The following IZUMO2 variants were observed in gnomAD, a reference collection of about 807,000 sequenced individuals.
IZUMO2 encodes izumo sperm-egg fusion protein 2.
Under a neutral mutation model 31.2 loss-of-function variants are expected in IZUMO2, and 24 were observed. The observed-to-expected ratio is 0.77, with a 90% CI of 0.56 to 1.08. The LOEUF (loss-of-function observed/expected upper bound fraction) is 1.08, where lower values mean the gene tolerates loss of function less well. IZUMO2 is among the 50% of genes least tolerant of loss of function. The probability of loss-of-function intolerance (pLI) is 0.00; values close to 1 mark genes in which losing one functional copy is unlikely to be tolerated. For missense variants in IZUMO2, 278 were observed against 274.0 expected (o/e 1.01, Z -0.10); for synonymous variants, 144 against 117.3 (o/e 1.23, Z -1.47).
chr19:50,159,386 C>G, intron 3 of IZUMO2, 108 bp downstream of exon 3: 1 of 1,246,670 alleles, frequency 8.0e-7, no homozygotes, highest in Admixed American at 2.0e-5. Flanking sequence ...ATGAAGAAGG[C>G]TGAGCTATAG....
In IZUMO2 at chr19:50,154,698, C is replaced by G; in HGVS notation, c.525G>C (p.Gln175His). ...FVDRQPRVAL[Q>H]YQMDSKYPRN... ...TCGGGTATTTGCTGTCCATCTGGTA[C>G]TGCAGGGCCACGCGGGGTTGCCGGT... Residue 175 changes from glutamine to histidine, a missense_variant, in exon 6 of 7, where the codon CAG becomes CAC. Coordinates refer to ENST00000293405, the MANE Select transcript of IZUMO2 (RefSeq NM_152358.3). The G allele has an allele frequency of 6.2e-7, 1 of 1,614,034 alleles. No individual in the cohort carries two copies. The highest frequency in any genetic ancestry group is 1.7e-5 in the Admixed American group (1 of 60,012).
chr19:50,162,598 G>A (rs2123067431), intron 2 of IZUMO2, 141 bp downstream of exon 2: 4 of 685,538 alleles, frequency 5.8e-6, no homozygotes, highest in Middle Eastern at 3.0e-4. Flanking sequence ...CGGAGCGACA[G>A]TGAGGCTCTG....
Position 50,154,264 on chromosome 19 carries a change from G to GTTTTTTTGTTTT in IZUMO2, c.623+335_623+336insAAAACAAAAAAA, listed in dbSNP as rs2030129784. Among the ~76,000 whole-genome samples the GTTTTTTTGTTTT allele has an allele frequency of 2.9e-4, 23 of 79,280 alleles. 11 individuals carry two copies. Among genetic ancestry groups the GTTTTTTTGTTTT allele is most frequent in the Non-Finnish European group, 3.0e-4 (12 of 40,134 alleles). The allele number at this position is 79,280 out of a possible 152,430, so 52.0% of individuals were successfully genotyped here. A position where few individuals can be genotyped will look rare whatever the true frequency, so the allele number is the denominator to read the frequency against. On this transcript the variant is annotated intron_variant, in intron 6 of 6. Transcript: ENST00000293405. ...GCATCCACCAAATATAACTTTTAGC[G>GTTTTTTTGTTTT]TTTTTTTTTTTTTTTTTTTTTTTTT...
At chr19:50,154,528 CA>C in intron 6 of IZUMO2, 71 bp downstream of exon 6, 2 of 1,378,880 alleles carry the variant, frequency 1.5e-6, no homozygotes, top group Admixed American at 4.6e-5. Flanking sequence ...GTGACCCATC[CA>C]GGGGAGTCGC....
chr19:50,163,261 A>C lies in IZUMO2; in HGVS notation c.-67T>G, dbSNP rs982981594. On this transcript the variant is annotated 5_prime_UTR_variant, in exon 1 of 7. Transcript: ENST00000293405. ...CCGCCTCCCAGGCGAGGGCGCGGTC[A>C]GGAGGCCCAGGGAGCATCACGGTGT... is the stretch of plus-strand genomic sequence containing the variant. 1.7e-6 allele frequency: 2 copies of C among 1,188,634 alleles called. No individual in the cohort carries two copies. The highest frequency in any genetic ancestry group is 3.1e-5 in the African/African-American group (2 of 64,828). 73.6% of individuals were successfully genotyped at this position (1,188,634 alleles called of 1,614,324 possible). A position where few individuals can be genotyped will look rare whatever the true frequency, so the allele number is the denominator to read the frequency against.
intron 6 of IZUMO2, among the ~76,000 whole-genome samples, chr19:50,153,319 C>T (rs1396063137): frequency 6.6e-6 from 1 of 152,166 alleles, no homozygotes; most frequent in Non-Finnish European, 1.5e-5. Context: ...CAGACTTCTG[C>T]TTTCAGAACC....
intron 4 of IZUMO2, among the ~76,000 whole-genome samples, chr19:50,158,871 C>T (rs1328125900): frequency 6.6e-6 from 1 of 152,160 alleles, no homozygotes; most frequent in Admixed American, 6.6e-5. Flanking sequence ...TGCTTAGAAG[C>T]TGCCATGTGT....
Position 50,162,776 on chromosome 19 carries a change from C to G in IZUMO2, c.270G>C (p.Lys90Asn), listed in dbSNP as rs759336278. Reference sequence around the variant, plus strand: ...TACCCATTAAGTGCTGCGTTTGGTTCTTGACAAAGGACGCCACAAGGTCCA... The same window carrying G: ...TACCCATTAAGTGCTGCGTTTGGTTGTTGACAAAGGACGCCACAAGGTCCA... ...NQLDLVASFVKNQTQHLMGNS... is the reference protein window; with the variant it reads ...NQLDLVASFVNNQTQHLMGNS... The change falls in exon 2 of 7, where the codon AAG becomes AAC. Residue 90 changes from lysine (K) to asparagine (N), a missense_variant. Lys to Asn is a moderately conservative substitution (Grantham distance 94, BLOSUM62 0). Transcript: ENST00000293405. The G allele has an allele frequency of 3.7e-6, 6 of 1,613,900 alleles. No homozygotes were observed. The Admixed American group carries it at 1.0e-4, about 27-fold the overall frequency.
chr19:50,162,031 C>T (rs1308263125), intron 2 of IZUMO2, among the ~76,000 whole-genome samples: 1 of 152,200 alleles, frequency 6.6e-6, no homozygotes, highest in Non-Finnish European at 1.5e-5. Context: ...GCCTATAATC[C>T]CAGCACTTTG....
Position 50,163,085 on chromosome 19 carries a change from G to A in IZUMO2, c.110C>T (p.Ser37Phe). The change falls in exon 1 of 7, where the codon TCC becomes TTC. Residue 37 changes from serine to phenylalanine, a missense_variant. Transcript: ENST00000293405. ...LVLEALGHLR[S>F]ALIPSRFQLE... ...CTGGAAGCGACTGGGGATGAGGGCG[G>A]AGCGCAGGTGACCCAGGGCCTCCAG... 1 of 1,612,884 alleles carries A rather than the reference G, an allele frequency of 6.2e-7. No individual in the cohort carries two copies. Among genetic ancestry groups the A allele is most frequent in the East Asian group, 2.2e-5 (1 of 44,832 alleles).
Position 50,159,523 on chromosome 19 carries a change from T to C in IZUMO2, c.365A>G (p.Lys122Arg). The change falls in exon 3 of 7, where the codon AAG becomes AGG. Residue 122 changes from lysine to arginine, a missense_variant. Coordinates refer to ENST00000293405, the MANE Select transcript of IZUMO2 (RefSeq NM_152358.3). Reference sequence around the variant, plus strand: ...TAATTCATATGAAATTAAAACTTTCTTGAATTCCTTGATCACATTCGCCCT... The same window carrying C: ...TAATTCATATGAAATTAAAACTTTCCTGAATTCCTTGATCACATTCGCCCT... ...TLRANVIKEF[K>R]KVLISYELKA... The C allele has an allele frequency of 6.2e-7, 1 of 1,613,046 alleles. No individual in the cohort carries two copies. The highest frequency in any genetic ancestry group is 8.5e-7 in the Non-Finnish European group (1 of 1,179,048).
intron 5 of IZUMO2, 23 bp from the exon 6 acceptor site, chr19:50,154,749 C>T: frequency 1.9e-6 from 3 of 1,611,866 alleles, no homozygotes; most frequent in Admixed American, 1.7e-5. Flanking sequence ...GGGAAACAGC[C>T]CCGACCTCCA....
At chr19:50,161,685 C>T (rs527242938) in intron 2 of IZUMO2, among the ~76,000 whole-genome samples, 180 of 152,224 alleles carry the variant, frequency 1.2e-3, no homozygotes, top group African/African-American at 4.0e-3. Context: ...GGCTGCTTCC[C>T]TCTCCCCTTC....
At position 50,163,257 on chromosome 19, in the gene IZUMO2, G is replaced by T. The variant is rs537395795; in HGVS notation, c.-63C>A. On this transcript the variant is annotated 5_prime_UTR_variant, in exon 1 of 7. Coordinates refer to ENST00000293405, the MANE Select transcript of IZUMO2 (RefSeq NM_152358.3). Reference sequence around the variant, plus strand: ...CGCCCCGCCTCCCAGGCGAGGGCGCGGTCAGGAGGCCCAGGGAGCATCACG... The same window carrying T: ...CGCCCCGCCTCCCAGGCGAGGGCGCTGTCAGGAGGCCCAGGGAGCATCACG... 3.2e-6 allele frequency: 4 copies of T among 1,264,752 alleles called. No homozygotes were observed. The South Asian group carries it at 3.9e-5, about 12-fold the overall frequency. 78.3% of individuals were successfully genotyped at this position (1,264,752 alleles called of 1,614,324 possible).
rs1271548322 is a variant in IZUMO2 at position 50,163,229 on chromosome 19, G to A, written c.-35C>T. Reference sequence around the variant, plus strand: ...TTTGTGACGTCACAGAGAGAACCCGGCCCGCCCCGCCTCCCAGGCGAGGGC... The same window carrying A: ...TTTGTGACGTCACAGAGAGAACCCGACCCGCCCCGCCTCCCAGGCGAGGGC... On this transcript the variant is annotated 5_prime_UTR_variant, in exon 1 of 7. Transcript: ENST00000293405. 1 of 1,495,794 alleles carries A rather than the reference G, an allele frequency of 6.7e-7. No individual in the cohort carries two copies. 92.7% of individuals were successfully genotyped at this position (1,495,794 alleles called of 1,614,324 possible).
rs1170932688 is a variant in IZUMO2, at chr19:50,154,703, G to T, written c.520C>A (p.Leu174Met). 4 of 1,613,868 alleles carry T rather than the reference G, an allele frequency of 2.5e-6. No homozygotes were observed. The highest frequency in any genetic ancestry group is 3.4e-6 in the Non-Finnish European group (4 of 1,179,990). Residue 174 changes from leucine to methionine, a missense_variant, in exon 6 of 7, where the codon CTG becomes ATG. Transcript: ENST00000293405. Reference sequence around the variant, plus strand: ...TATTTGCTGTCCATCTGGTACTGCAGGGCCACGCGGGGTTGCCGGTCGACT... The same window carrying T: ...TATTTGCTGTCCATCTGGTACTGCATGGCCACGCGGGGTTGCCGGTCGACT... The part of the protein sequence containing the change: ...CFVDRQPRVA[L>M]QYQMDSKYPR...
At chr19:50,157,075 G>T (rs1022480573) in intron 5 of IZUMO2, among the ~76,000 whole-genome samples, 1 of 152,248 alleles carries the variant, frequency 6.6e-6, no homozygotes, top group Non-Finnish European at 1.5e-5. Flanking sequence ...CTATGGCAAA[G>T]AATAAAGTAG....
chr19:50,155,728 G>C (rs75035488), intron 5 of IZUMO2, among the ~76,000 whole-genome samples: 1 of 152,258 alleles, frequency 6.6e-6, no homozygotes, highest in East Asian at 1.9e-4. Context: ...GCCTCCGGGA[G>C]GCGCTGTTAA....
At chr19:50,160,500 C>G (rs7257505) in intron 2 of IZUMO2, 78,101 of 136,298 alleles carry the variant, frequency 0.57, 20,920 homozygotes, top group Non-Finnish European at 0.62. Flanking sequence ...TTTTTTTTTT[C>G]AAACGGAGTT....
Sources: allele counts gnomAD v4.1 joint callset (sites outside exome capture counted in the v4.1 genomes callset), GRCh38; gene constraint gnomAD v4.1.1; transcripts MANE v1.5; gene names NCBI Gene and HGNC (gene_info 2026-07-23, HGNC 2026-07-21).